The following GRIK2 variants were observed in gnomAD, a reference collection of about 807,000 sequenced individuals.
GRIK2 encodes glutamate ionotropic receptor kainate type subunit 2, also known as glutamate receptor ionotropic, kainate 2.
GRIK2 carries 32 observed loss-of-function variants against 100.3 expected under a neutral mutation model. The ratio of observed to expected loss-of-function variants is 0.32; its 90% CI spans 0.24 to 0.43. The LOEUF is 0.43. GRIK2 is among the 20% of genes least tolerant of loss of function. The probability of loss-of-function intolerance (pLI) is 1.00; values close to 1 mark genes in which losing one functional copy is unlikely to be tolerated. For synonymous variants in GRIK2, 417 were observed against 389.4 expected (o/e 1.07, Z -0.83); for missense variants, 843 against 1,114.9 (o/e 0.76, Z 3.47).
At chr6:101,718,478 G>T (rs979383653) in intron 7 of GRIK2, among the ~76,000 whole-genome samples, 1 of 151,908 alleles carries the variant, frequency 6.6e-6, no homozygotes, top group African/African-American at 2.4e-5. Flanking sequence ...GATATCCCAA[G>T]AGTAATTGAA....
intron 4 of GRIK2, among the ~76,000 whole-genome samples, chr6:101,647,366 A>G (rs1582887793): frequency 6.6e-6 from 1 of 152,116 alleles, no homozygotes; most frequent in East Asian, 1.9e-4. Flanking sequence ...CTCCAGGTAG[A>G]CAGAAGTTAA....
At chr6:101,514,733 A>G (rs1187934785) in intron 2 of GRIK2, among the ~76,000 whole-genome samples, 2 of 152,134 alleles carry the variant, frequency 1.3e-5, no homozygotes, top group South Asian at 2.1e-4. Flanking sequence ...CACTGTGGAA[A>G]TGTATAAAGT....
At chr6:101,441,527 G>A (rs1373027470) in intron 2 of GRIK2, among the ~76,000 whole-genome samples, 1 of 152,134 alleles carries the variant, frequency 6.6e-6, no homozygotes, top group Non-Finnish European at 1.5e-5. Flanking sequence ...CAGTTTAAGA[G>A]ATTCTTTACA....
intron 2 of GRIK2, among the ~76,000 whole-genome samples, chr6:101,448,262 T>A (rs1770485383): frequency 6.6e-6 from 1 of 151,718 alleles, no homozygotes; most frequent in African/African-American, 2.4e-5. Flanking sequence ...TTGTCAAATA[T>A]ACTTTTGATT....
intron 14 of GRIK2, among the ~76,000 whole-genome samples, chr6:101,989,082 T>G (rs913606384): frequency 3.9e-5 from 6 of 151,974 alleles, no homozygotes; most frequent in Non-Finnish European, 8.8e-5. Context: ...GAGCAACTTA[T>G]GGAATGACCA....
At chr6:101,844,554 T>C (rs1189261996) in intron 10 of GRIK2, among the ~76,000 whole-genome samples, 1 of 152,220 alleles carries the variant, frequency 6.6e-6, no homozygotes, top group African/African-American at 2.4e-5. Flanking sequence ...TCATAAGCAC[T>C]AGTAAAGAAC....
rs141644058 is a variant in GRIK2, at chr6:101,553,997, T to C, written c.116-67952T>C. Among the ~76,000 whole-genome samples the C allele has an allele frequency of 2.3e-4, 35 of 152,274 alleles. No individual in the cohort carries two copies. In the East Asian group the frequency reaches 6.8e-3, roughly 29 times the overall value. On this transcript the variant is annotated intron_variant, in intron 2 of 16. Coordinates refer to ENST00000369134, the MANE Select transcript of GRIK2 (RefSeq NM_021956.5). ...GTTTGGGCCACTTCCCTGTCCATAG[T>C]TGACTGCTAGATTTGGGTGGAATCT...
At chr6:101,961,691 G>A (rs1030872903) in intron 14 of GRIK2, among the ~76,000 whole-genome samples, 3 of 152,036 alleles carry the variant, frequency 2.0e-5, no homozygotes, top group Non-Finnish European at 4.4e-5. Flanking sequence ...TCCGGTTTTT[G>A]TTGTTCCAAG....
At chr6:102,037,843 C>T (rs888212957) in intron 15 of GRIK2, among the ~76,000 whole-genome samples, 1 of 151,126 alleles carries the variant, frequency 6.6e-6, no homozygotes, top group Admixed American at 6.6e-5. Flanking sequence ...CATACTGAAC[C>T]CAGAAACTTC....
chr6:102,042,698 A>C (rs1023140972), intron 15 of GRIK2, among the ~76,000 whole-genome samples: 1 of 151,782 alleles, frequency 6.6e-6, no homozygotes, highest in Non-Finnish European at 1.5e-5. Flanking sequence ...GGAAAAAAGC[A>C]TAATAGTAAG....
At chr6:101,672,082 G>C (rs975199726) in intron 4 of GRIK2, among the ~76,000 whole-genome samples, 4 of 152,060 alleles carry the variant, frequency 2.6e-5, no homozygotes, top group African/African-American at 9.7e-5. Flanking sequence ...ATATGGCTAG[G>C]ATGGATGCTC....
chr6:101,914,736 G>A (rs1788987275), intron 12 of GRIK2, among the ~76,000 whole-genome samples: 1 of 151,466 alleles, frequency 6.6e-6, no homozygotes, highest in African/African-American at 2.4e-5. Context: ...GATTATGAGT[G>A]TATGATATCA....
intron 11 of GRIK2, among the ~76,000 whole-genome samples, chr6:101,880,827 T>C (rs948275761): frequency 6.6e-6 from 1 of 152,002 alleles, no homozygotes; most frequent in South Asian, 2.1e-4. Flanking sequence ...TCCCACAACA[T>C]ATTACTTTAT....
At chr6:101,765,862 T>C (rs1439246780) in intron 7 of GRIK2, among the ~76,000 whole-genome samples, 2 of 152,178 alleles carry the variant, frequency 1.3e-5, no homozygotes, top group African/African-American at 4.8e-5. Flanking sequence ...ATAGCAAATT[T>C]GGATTTTCTT....
Position 102,068,444 on chromosome 6 carries a change from CAGA to C in GRIK2, c.2666_2668del (p.Glu889del), listed in dbSNP as rs756907619. The C allele has an allele frequency of 8.1e-6, 13 of 1,612,000 alleles. No individual in the cohort carries two copies. Among genetic ancestry groups the C allele is most frequent in the Middle Eastern group, 1.6e-4 (1 of 6,068 alleles). ...CCACAGGCCCCAGTTATTGTGAAAA[CAGA>C]AGAAGTTATCAACATGCACACATTT... On this transcript the variant is annotated inframe_deletion, in exon 17 of 17. Coordinates refer to ENST00000369134, the MANE Select transcript of GRIK2 (RefSeq NM_021956.5).
intron 10 of GRIK2, among the ~76,000 whole-genome samples, chr6:101,827,492 A>T (rs1408767): frequency 6.7e-6 from 1 of 148,356 alleles, no homozygotes; most frequent in South Asian, 2.1e-4. Flanking sequence ...CAAAACAAAA[A>T]AAAACCAATA....
intron 2 of GRIK2, among the ~76,000 whole-genome samples, chr6:101,463,976 T>G (rs570623466): frequency 6.6e-6 from 1 of 152,310 alleles, no homozygotes; most frequent in East Asian, 1.9e-4. Context: ...ACTGCAAGAA[T>G]TCCCTGGTCC....
chr6:101,427,853 A>G (rs1562129842), intron 2 of GRIK2, among the ~76,000 whole-genome samples: 1 of 152,164 alleles, frequency 6.6e-6, no homozygotes, highest in Admixed American at 6.5e-5. Context: ...AATGCTAGCA[A>G]TTCACAGCTA....
intron 12 of GRIK2, among the ~76,000 whole-genome samples, chr6:101,900,343 A>C (rs1009239898): frequency 2.7e-4 from 41 of 152,082 alleles, no homozygotes; most frequent in African/African-American, 9.4e-4. Context: ...ACATGCCTGT[A>C]ATCCCAGCTA....
Sources: gnomAD v4.1 joint callset for allele counts (sites outside exome capture counted in the v4.1 genomes callset) on GRCh38, gnomAD v4.1.1 for gene constraint, MANE v1.5 for transcripts, NCBI Gene and HGNC (gene_info 2026-07-23, HGNC 2026-07-21) for gene names.